SNX4: variants seen among roughly 807,000 people sequenced by gnomAD.
SNX4 encodes sorting nexin 4.
Under a neutral mutation model 70.8 loss-of-function variants are expected in SNX4, and 49 were observed. The ratio of observed to expected loss-of-function variants is 0.69; its 90% confidence interval spans 0.55 to 0.88. The LOEUF (loss-of-function observed/expected upper bound fraction) is 0.88, where lower values mean the gene tolerates loss of function less well. Among genes scored for constraint, SNX4 ranks in the 40% least tolerant of loss-of-function variants. SNX4 has a pLI of 0.00. For missense variants in SNX4, 528 were observed against 544.8 expected (o/e 0.97, Z 0.31); for synonymous variants, 206 against 183.8 (o/e 1.12, Z -0.98).
At chr3:125,506,569 G>C (rs13075788) in intron 1 of SNX4, among the ~76,000 whole-genome samples, 1 of 145,714 alleles carries the variant, frequency 6.9e-6, no homozygotes, top group East Asian at 2.0e-4. Flanking sequence ...GCAGTGGCAC[G>C]ATCTCAGCTC....
At chr3:125,515,883 T>A (rs190932141) in intron 1 of SNX4, among the ~76,000 whole-genome samples, 2 of 152,064 alleles carry the variant, frequency 1.3e-5, no homozygotes, top group African/African-American at 4.8e-5. Context: ...CTCTTCTCAA[T>A]CAATAAAAAA....
intron 6 of SNX4, among the ~76,000 whole-genome samples, chr3:125,488,704 G>C (rs1386375715): frequency 6.6e-6 from 1 of 152,104 alleles, no homozygotes; most frequent in African/African-American, 2.4e-5. Flanking sequence ...AGTGCTGAAG[G>C]ATTCACTAGA....
chr3:125,491,905 T>C (rs1359406044), intron 5 of SNX4, among the ~76,000 whole-genome samples: 1 of 151,856 alleles, frequency 6.6e-6, no homozygotes, highest in Admixed American at 6.6e-5. Context: ...TCAGGAGTTT[T>C]AAACCAGCCT....
chr3:125,507,191 G>GAAAAAAAAAAAAAAAAAAAA (rs753584700), intron 1 of SNX4, among the ~76,000 whole-genome samples: 2 of 90,800 alleles, frequency 2.2e-5, no homozygotes, highest in Admixed American at 2.5e-4. Context: ...CTGGGTGATA[G>GAAAAAAAAAAAAAAAAAAAA]AAAAAAAAAA....
At chr3:125,471,082 C>T (rs747502448) in intron 8 of SNX4, among the ~76,000 whole-genome samples, 5 of 152,076 alleles carry the variant, frequency 3.3e-5, no homozygotes, top group African/African-American at 7.2e-5. Flanking sequence ...TGATGGCTCA[C>T]GCCTATAATC....
chr3:125,508,618 T>C (rs922075635), intron 1 of SNX4, among the ~76,000 whole-genome samples: 11 of 151,302 alleles, frequency 7.3e-5, no homozygotes, highest in African/African-American at 2.4e-4. Context: ...TCATACTTCC[T>C]GGTTTCAAAA....
intron 10 of SNX4, among the ~76,000 whole-genome samples, chr3:125,460,121 G>A (rs1397207336): frequency 6.6e-6 from 1 of 150,618 alleles, no homozygotes; most frequent in African/African-American, 2.5e-5. Context: ...TTGAACCCGG[G>A]ACGTGGAGGT....
At chr3:125,460,517 G>C (rs1416140191) in intron 10 of SNX4, among the ~76,000 whole-genome samples, 1 of 152,152 alleles carries the variant, frequency 6.6e-6, no homozygotes, top group African/African-American at 2.4e-5. Flanking sequence ...TGGAAAAAGT[G>C]GAAACAACAA....
chr3:125,493,497 CAG>C (rs1455802530), intron 5 of SNX4, among the ~76,000 whole-genome samples: 1 of 147,862 alleles, frequency 6.8e-6, no homozygotes. Flanking sequence ...ACTAAAAATA[CAG>C]AAAAATTACC....
intron 13 of SNX4, among the ~76,000 whole-genome samples, chr3:125,450,660 GA>G (rs1933548419): frequency 6.6e-6 from 1 of 152,202 alleles, no homozygotes; most frequent in African/African-American, 2.4e-5. Flanking sequence ...CAACGTTTTA[GA>G]AAGTCTTCCA....
At chr3:125,469,353 A>G (rs941833046) in intron 9 of SNX4, 101 bp downstream of exon 9, 1 of 775,914 alleles carries the variant, frequency 1.3e-6, no homozygotes, top group African/African-American at 1.7e-5. Context: ...AGCGCAATAT[A>G]AATGCCAGCA....
At chr3:125,489,037 G>A (rs567873664) in intron 6 of SNX4, among the ~76,000 whole-genome samples, 57 of 151,976 alleles carry the variant, frequency 3.8e-4, no homozygotes, top group African/African-American at 1.3e-3. Flanking sequence ...CAAACTAGAC[G>A]GTTCATTATT....
At chr3:125,485,861 G>A (rs115755536) in intron 6 of SNX4, among the ~76,000 whole-genome samples, 3,160 of 152,044 alleles carry the variant, frequency 0.021, 107 homozygotes, top group African/African-American at 0.072. Context: ...GTTTTTTTGA[G>A]ACGGAGTCTT....
rs750351306 is a variant in SNX4 at position 125,480,232 on chromosome 3, T to C, written c.726+15A>G. On this transcript the variant is annotated intron_variant, in intron 7 of 13. Coordinates refer to ENST00000251775, the MANE Select transcript of SNX4 (RefSeq NM_003794.4). ...CTTATGCATGTGCATCAAAAAGCTT[T>C]TGGGGACCACTTACAGCTCTGACTC... 6.6e-7 allele frequency: 1 copy of C among 1,514,324 alleles called. No homozygotes were observed. Among genetic ancestry groups the C allele is most frequent in the Admixed American group, 2.0e-5 (1 of 49,194 alleles). 93.8% of individuals were successfully genotyped at this position (1,514,324 alleles called of 1,614,324 possible).
chr3:125,450,751 T>C (rs546963860), intron 13 of SNX4, among the ~76,000 whole-genome samples: 32 of 152,224 alleles, frequency 2.1e-4, no homozygotes, highest in Non-Finnish European at 3.4e-4. Context: ...ACACAAATGA[T>C]TTACTTTATG....
Position 125,498,096 on chromosome 3 carries a change from T to C in SNX4, c.362A>G (p.Tyr121Cys). The change falls in exon 3 of 14, where the codon TAT becomes TGT. Residue 121 changes from tyrosine (Y) to cysteine (C), a missense_variant. Transcript: ENST00000251775. ...CAGAGGTGGCACAACAATATGTGGA[T>C]AGTAAACTAAAAGGTAGCTTCTCAA... ...ELLRSYLLVY[Y>C]PHIVVPPLPE... 3.7e-6 allele frequency: 6 copies of C among 1,614,192 alleles called. No homozygotes were observed. Among genetic ancestry groups the C allele is most frequent in the African/African-American group, 1.3e-5 (1 of 75,070 alleles).
At chr3:125,517,598 T>A (rs147537096) in intron 1 of SNX4, among the ~76,000 whole-genome samples, 1 of 152,200 alleles carries the variant, frequency 6.6e-6, no homozygotes, top group Non-Finnish European at 1.5e-5. Flanking sequence ...GAATGTATGT[T>A]TGTTTAAACA....
At position 125,458,744 on chromosome 3, in the gene SNX4, G is replaced by T. The variant is rs547606843; in HGVS notation, c.945-1379C>A. ...CAGGAGAATGGCGTGAATCCCGGGGGGCGGAGCCTGCAGTGAGCCGAGATC... is the reference window on the plus strand; with the variant it reads ...CAGGAGAATGGCGTGAATCCCGGGGTGCGGAGCCTGCAGTGAGCCGAGATC... On this transcript the variant is annotated intron_variant, in intron 10 of 13. Coordinates refer to ENST00000251775, the MANE Select transcript of SNX4 (RefSeq NM_003794.4). 1.6e-4 allele frequency among the ~76,000 whole-genome samples: 24 copies of T among 147,236 alleles called. No individual in the cohort carries two copies. In the South Asian group the frequency reaches 4.9e-3, roughly 30 times the overall value.
chr3:125,471,344 C>CAA lies in SNX4; in HGVS notation c.789-1827_789-1826dup, dbSNP rs767432586. 1.6e-3 allele frequency among the ~76,000 whole-genome samples: 44 copies of CAA among 28,144 alleles called. 6 individuals are homozygous for CAA. Among genetic ancestry groups the CAA allele is most frequent in the African/African-American group, 5.7e-3 (31 of 5,458 alleles). 18.5% of individuals were successfully genotyped at this position (28,144 alleles called of 152,430 possible). A position where few individuals can be genotyped will look rare whatever the true frequency, so the allele number is the denominator to read the frequency against. ...GGGCAACAAGAGCAAAGCTCCATCT[C>CAA]AAAAAAAAAAAAAAAAAAAAAAAAA... On this transcript the variant is annotated intron_variant, in intron 8 of 13. Coordinates refer to ENST00000251775, the MANE Select transcript of SNX4 (RefSeq NM_003794.4).
Sources: allele counts gnomAD v4.1 joint callset (sites outside exome capture counted in the v4.1 genomes callset), GRCh38; gene constraint gnomAD v4.1.1; transcripts MANE v1.5; gene names NCBI Gene and HGNC (gene_info 2026-07-23, HGNC 2026-07-21).